PI15: variants seen among roughly 807,000 people sequenced by gnomAD.
PI15 encodes peptidase inhibitor 15, also known as 25 kDa trypsin inhibitor.
A neutral mutation model predicts 31.0 loss-of-function variants in PI15; 18 were observed. That is an observed-to-expected ratio of 0.58 (90% confidence interval 0.40 to 0.86). The LOEUF is 0.86. Among genes scored for constraint, PI15 ranks in the 40% least tolerant of loss-of-function variants. The pLI, the probability that PI15 is intolerant of heterozygous loss-of-function variation, is 0.00. For synonymous variants in PI15, 118 were observed against 119.1 expected, an observed-to-expected ratio of 0.99 and a Z score of 0.06; for missense variants, 282 against 328.1, an observed-to-expected ratio of 0.86 and a Z score of 1.09.
At chr8:74,845,782 A>G (rs1204543393) in intron 5 of PI15, 1 of 337,034 alleles carries the variant, frequency 3.0e-6, no homozygotes, top group Non-Finnish European at 5.5e-6. Flanking sequence ...TAAAATAAAC[A>G]CTGTACCACA....
chr8:74,831,102 T>A (rs1269283542), intron 2 of PI15, among the ~76,000 whole-genome samples: 2 of 152,156 alleles, frequency 1.3e-5, no homozygotes, highest in Non-Finnish European at 2.9e-5. Flanking sequence ...TTTGTTCCGC[T>A]CTCCCCACAG....
Position 74,825,253 on chromosome 8 carries a change from A to G in PI15, c.4A>G (p.Ile2Val). The G allele has an allele frequency of 6.2e-7, 1 of 1,612,706 alleles. No individual in the cohort carries two copies. The highest frequency in any genetic ancestry group is 8.5e-7 in the Non-Finnish European group (1 of 1,179,120). Residue 2 changes from isoleucine (I) to valine (V), a missense_variant, in exon 2 of 6, where the codon ATA becomes GTA. Coordinates refer to ENST00000260113, the MANE Select transcript of PI15 (RefSeq NM_015886.5). Reference sequence around the variant, plus strand: ...CTCTTCTTCTCCACCCCTCAAAATGATAGCAATCTCTGCCGTCAGCAGTGC... The same window carrying G: ...CTCTTCTTCTCCACCCCTCAAAATGGTAGCAATCTCTGCCGTCAGCAGTGC... M[I>V]AISAVSSALL...
In PI15 at chr8:74,825,415, G is replaced by A. The variant is rs760601922; in HGVS notation, c.166G>A (p.Ala56Thr). Residue 56 changes from alanine (A) to threonine (T), a missense_variant, in exon 2 of 6, where the codon GCC becomes ACC. Transcript: ENST00000260113. ...ATTAGATTCAGCGGATATCCCCAAAGCCAGGCGGAAGCGCTACATTTCGCA... is the reference window on the plus strand; with the variant it reads ...ATTAGATTCAGCGGATATCCCCAAAACCAGGCGGAAGCGCTACATTTCGCA... Reference protein sequence around the residue: ...AQLDSADIPKARRKRYISQND... With the variant: ...AQLDSADIPKTRRKRYISQND... 14 of 1,613,182 alleles carry A rather than the reference G, an allele frequency of 8.7e-6. No homozygotes were observed. The highest frequency in any genetic ancestry group is 1.3e-5 in the African/African-American group (1 of 74,834).
rs796922739 is a variant in PI15, at chr8:74,847,453, A to C, written c.642-1665A>C. On this transcript the variant is annotated intron_variant, in intron 5 of 5. Transcript: ENST00000260113. Reference sequence around the variant, plus strand: ...AGAGCGAAACTCTGTCTCAAAAAAAAAAAAAAATACATAGAGGGAAATAAG... The same window carrying C: ...AGAGCGAAACTCTGTCTCAAAAAAACAAAAAAATACATAGAGGGAAATAAG... 2.0e-4 allele frequency among the ~76,000 whole-genome samples: 31 copies of C among 152,178 alleles called. No homozygotes were observed. The South Asian group carries it at 6.0e-3, about 30-fold the overall frequency.
chr8:74,843,771 G>A (rs776072041), intron 2 of PI15, among the ~76,000 whole-genome samples: 3 of 152,266 alleles, frequency 2.0e-5, no homozygotes, highest in Non-Finnish European at 2.9e-5. Flanking sequence ...GGCTGAGACA[G>A]GAGAATTGCT....
At position 74,850,521 on chromosome 8, in the gene PI15, A is replaced by G. The variant is rs1251461167; in HGVS notation, c.*1268A>G. On this transcript the variant is annotated 3_prime_UTR_variant, in exon 6 of 6. Transcript: ENST00000260113. ...TCTTTGTTGTTTAGTCTGTCATTGA[A>G]TCAATCTACTTATCATCTTGGGTCT... The G allele has an allele frequency of 6.6e-6, 1 of 152,150 alleles. No homozygotes were observed. Among genetic ancestry groups the G allele is most frequent in the Non-Finnish European group, 1.5e-5 (1 of 68,010 alleles). 9.4% of individuals were successfully genotyped at this position (152,150 alleles called of 1,614,324 possible).
intron 2 of PI15, among the ~76,000 whole-genome samples, chr8:74,838,419 T>C (rs1810900050): frequency 6.6e-6 from 1 of 152,126 alleles, no homozygotes; most frequent in Non-Finnish European, 1.5e-5. Flanking sequence ...TTTTAAAAAG[T>C]AATGTCAACT....
At chr8:74,843,667 C>T (rs868370661) in intron 2 of PI15, among the ~76,000 whole-genome samples, 1 of 152,048 alleles carries the variant, frequency 6.6e-6, no homozygotes, top group African/African-American at 2.4e-5. Flanking sequence ...AGTTCGTGAC[C>T]GGCCTGGCCA....
At chr8:74,841,414 G>C (rs946045327) in intron 2 of PI15, among the ~76,000 whole-genome samples, 1 of 152,150 alleles carries the variant, frequency 6.6e-6, no homozygotes, top group Non-Finnish European at 1.5e-5. Context: ...TGAGTTAACT[G>C]GGAGATCACA....
intron 2 of PI15, among the ~76,000 whole-genome samples, chr8:74,833,469 T>A (rs1271815778): frequency 6.6e-6 from 1 of 152,048 alleles, no homozygotes; most frequent in Non-Finnish European, 1.5e-5. Context: ...CATTTTCACT[T>A]TACCTGATTG....
rs1811142613 is a variant in PI15, at chr8:74,853,904, CA to C, written c.*4653del. On this transcript the variant is annotated 3_prime_UTR_variant, in exon 6 of 6. Coordinates refer to ENST00000260113, the MANE Select transcript of PI15 (RefSeq NM_015886.5). ...TTAAATTTAGTTAGCTTTATAAACA[CA>C]ATTAGAATTACAATTAATTAACAGA... 6.6e-6 allele frequency: 1 copy of C among 151,484 alleles called. No homozygotes were observed. Among genetic ancestry groups the C allele is most frequent in the South Asian group, 2.1e-4 (1 of 4,814 alleles). The allele number at this position is 151,484 out of a possible 1,614,324, so 9.4% of individuals were successfully genotyped here. A position where few individuals can be genotyped will look rare whatever the true frequency, so the allele number is the denominator to read the frequency against.
In PI15 at chr8:74,852,132, C is replaced by T. The variant is rs576489772; in HGVS notation, c.*2879C>T. Reference sequence around the variant, plus strand: ...GGTATAAGCTATTTCATAAAAGCAGCTTTAAATTGTCAGTATTAAGGTTTT... The same window carrying T: ...GGTATAAGCTATTTCATAAAAGCAGTTTTAAATTGTCAGTATTAAGGTTTT... On this transcript the variant is annotated 3_prime_UTR_variant, in exon 6 of 6. Transcript: ENST00000260113. The T allele has an allele frequency of 6.6e-6, 1 of 152,236 alleles. No homozygotes were observed. Among genetic ancestry groups the T allele is most frequent in the South Asian group, 2.1e-4 (1 of 4,814 alleles). The allele number at this position is 152,236 out of a possible 1,614,324, so 9.4% of individuals were successfully genotyped here. A position where few individuals can be genotyped will look rare whatever the true frequency, so the allele number is the denominator to read the frequency against.
intron 2 of PI15, among the ~76,000 whole-genome samples, chr8:74,828,503 A>G (rs1404858517): frequency 4.6e-5 from 7 of 152,262 alleles, no homozygotes; most frequent in Non-Finnish European, 7.4e-5. Flanking sequence ...AGCAGGGACT[A>G]TAAGTGACTT....
At position 74,845,109 on chromosome 8, in the gene PI15, T is replaced by C; in HGVS notation, c.393-19T>C. ...TTACCACTGCTGCACTCTGATTTCT[T>C]TCTTTTCTTTATATGCAGATATCGC... is the stretch of plus-strand genomic sequence containing the variant. On this transcript the variant is annotated intron_variant, in intron 3 of 5. Coordinates refer to ENST00000260113, the MANE Select transcript of PI15 (RefSeq NM_015886.5). The C allele has an allele frequency of 6.2e-7, 1 of 1,606,524 alleles. No homozygotes were observed. The highest frequency in any genetic ancestry group is 8.5e-7 in the Non-Finnish European group (1 of 1,173,458).
intron 5 of PI15, 106 bp downstream of exon 5, chr8:74,845,603 G>A: frequency 1.4e-6 from 1 of 703,088 alleles, no homozygotes; most frequent in Non-Finnish European, 2.6e-6. Flanking sequence ...TAGCTATAAT[G>A]GCCTCTAATC....
At chr8:74,833,730 A>G (rs1328882381) in intron 2 of PI15, among the ~76,000 whole-genome samples, 1 of 152,166 alleles carries the variant, frequency 6.6e-6, no homozygotes, top group Non-Finnish European at 1.5e-5. Flanking sequence ...TCATTTGGAG[A>G]TAGAGAATCT....
rs932415584 is a variant in PI15 at position 74,835,052 on chromosome 8, CTTA to C, written c.274-8927_274-8925del. ...TCCAGTCTTATGGATTAAAATACCA[CTTA>C]TATGCTGATGATGTTTCAAATTATA... On this transcript the variant is annotated intron_variant, in intron 2 of 5. Transcript: ENST00000260113. 2.5e-4 allele frequency among the ~76,000 whole-genome samples: 38 copies of C among 152,100 alleles called. 1 individual carries two copies. Among genetic ancestry groups the C allele is most frequent in the African/African-American group, 8.0e-4 (33 of 41,436 alleles).
Position 74,825,434 on chromosome 8 carries a change from T to G in PI15, c.185T>G (p.Ile62Ser), listed in dbSNP as rs765668274. The change falls in exon 2 of 6, where the codon ATT (isoleucine) becomes AGT (serine). Residue 62 changes from isoleucine (I) to serine (S), a missense_variant. Transcript: ENST00000260113. ...DIPKARRKRY[I>S]SQNDMIAILD... ...CCCAAAGCCAGGCGGAAGCGCTACATTTCGCAGAATGACATGATCGCCATT... is the reference window on the plus strand; with the variant it reads ...CCCAAAGCCAGGCGGAAGCGCTACAGTTCGCAGAATGACATGATCGCCATT... The G allele has an allele frequency of 2.5e-6, 4 of 1,613,190 alleles. No individual in the cohort carries two copies. Among genetic ancestry groups the G allele is most frequent in the Non-Finnish European group, 3.4e-6 (4 of 1,179,498 alleles).
In PI15 at chr8:74,845,442, G is replaced by A; in HGVS notation, c.586G>A (p.Val196Ile). ...CAIHTCQNMN[V>I]WGSVWRRAVY... Reference sequence around the variant, plus strand: ...AATTCATACTTGCCAAAACATGAATGTTTGGGGATCTGTGTGGCGACGTGC... The same window carrying A: ...AATTCATACTTGCCAAAACATGAATATTTGGGGATCTGTGTGGCGACGTGC... Residue 196 changes from valine to isoleucine, a missense_variant, in exon 5 of 6, where the codon GTT becomes ATT. Coordinates refer to ENST00000260113, the MANE Select transcript of PI15 (RefSeq NM_015886.5). 6.2e-7 allele frequency: 1 copy of A among 1,614,072 alleles called. No individual in the cohort carries two copies. Among genetic ancestry groups the A allele is most frequent in the Non-Finnish European group, 8.5e-7 (1 of 1,179,946 alleles).
Sources: allele counts gnomAD v4.1 joint callset (sites outside exome capture counted in the v4.1 genomes callset), GRCh38; gene constraint gnomAD v4.1.1; transcripts MANE v1.5; gene names NCBI Gene and HGNC (gene_info 2026-07-23, HGNC 2026-07-21).